The following VTI1A variants were observed in gnomAD, a reference collection of about 807,000 sequenced individuals.
The protein encoded by VTI1A is vesicle transport through interaction with t-SNAREs homolog 1A.
Under a neutral mutation model 34.9 loss-of-function variants are expected in VTI1A, and 22 were observed. The ratio of observed to expected loss-of-function variants is 0.63; its 90% CI spans 0.45 to 0.90. The LOEUF (loss-of-function observed/expected upper bound fraction) is 0.90. VTI1A is among the 40% of genes least tolerant of loss of function. The pLI is 0.00. For missense variants in VTI1A, 268 were observed against 275.6 expected, an observed-to-expected ratio of 0.97 and a Z score of 0.20; for synonymous variants, 87 against 97.3, an observed-to-expected ratio of 0.89 and a Z score of 0.62.
intron 7 of VTI1A, among the ~76,000 whole-genome samples, chr10:112,720,069 T>G (rs1013627788): frequency 2.6e-5 from 4 of 152,262 alleles, no homozygotes; most frequent in Admixed American, 2.0e-4. Context: ...ACAAATAATA[T>G]TCCATTGTAT....
In VTI1A at chr10:112,626,644, C is replaced by T. The variant is rs1018732871; in HGVS notation, c.428-41574C>T. On this transcript the variant is annotated intron_variant, in intron 5 of 7. Coordinates refer to ENST00000393077, the MANE Select transcript of VTI1A (RefSeq NM_145206.4). ...AAGTGATCTTAAAACCAACTCTAGC[C>T]GCTTACAAAGGAGAAAACTCAGTCC... Among the ~76,000 whole-genome samples the T allele has an allele frequency of 6.6e-5, 10 of 151,896 alleles. No individual in the cohort carries two copies. The East Asian group carries it at 7.7e-4, about 12-fold the overall frequency.
At chr10:112,596,830 T>A (rs1180771861) in intron 5 of VTI1A, among the ~76,000 whole-genome samples, 1 of 152,248 alleles carries the variant, frequency 6.6e-6, no homozygotes, top group Admixed American at 6.5e-5. Context: ...TTTCTCTTCC[T>A]TATTTACATA....
chr10:112,822,087 G>A (rs1853664835), downstream of VTI1A, among the ~76,000 whole-genome samples: 1 of 152,164 alleles, frequency 6.6e-6, no homozygotes, highest in Non-Finnish European at 1.5e-5. Context: ...CTTTCCTGGG[G>A]GCAGATTTTG....
At chr10:112,492,723 G>A (rs1426343141) in intron 3 of VTI1A, among the ~76,000 whole-genome samples, 1 of 150,560 alleles carries the variant, frequency 6.6e-6, no homozygotes, top group Non-Finnish European at 1.5e-5. Context: ...GGAGGCAAAG[G>A]TTGTAGTGAG....
chr10:112,613,773 G>A (rs146779697), intron 5 of VTI1A, among the ~76,000 whole-genome samples: 34 of 152,280 alleles, frequency 2.2e-4, no homozygotes, highest in African/African-American at 7.5e-4. Context: ...AGTGCACTTC[G>A]TTGCCATGCC....
chr10:112,812,780 GC>G (rs544722730), intron 7 of VTI1A, among the ~76,000 whole-genome samples: 10 of 151,760 alleles, frequency 6.6e-5, no homozygotes, highest in Middle Eastern at 3.4e-3. Flanking sequence ...CTGACACCCC[GC>G]CCCCACCCAG....
chr10:112,556,408 A>T (rs1422041440), intron 5 of VTI1A, among the ~76,000 whole-genome samples: 1 of 152,004 alleles, frequency 6.6e-6, no homozygotes, highest in East Asian at 1.9e-4. Flanking sequence ...TTTCAACTCT[A>T]AAAACCTCAT....
intron 5 of VTI1A, among the ~76,000 whole-genome samples, chr10:112,614,143 G>A (rs570178892): frequency 2.0e-5 from 3 of 152,220 alleles, no homozygotes; most frequent in Non-Finnish European, 2.9e-5. Flanking sequence ...CCCTGAGTTC[G>A]TTAGTTAAAG....
At chr10:112,526,534 G>A (rs1398055832) in intron 3 of VTI1A, among the ~76,000 whole-genome samples, 1 of 151,970 alleles carries the variant, frequency 6.6e-6, no homozygotes, top group African/African-American at 2.4e-5. Flanking sequence ...ACAGGGGAGG[G>A]GCTTTAAATT....
intron 5 of VTI1A, among the ~76,000 whole-genome samples, chr10:112,643,971 TAATG>T (rs1846677592): frequency 6.8e-6 from 1 of 148,072 alleles, no homozygotes; most frequent in African/African-American, 2.5e-5. Context: ...TATGGCAGCA[TAATG>T]AATAGGAGGT....
intron 1 of VTI1A, 103 bp downstream of exon 1, chr10:112,447,570 A>T: frequency 7.5e-7 from 1 of 1,332,114 alleles, no homozygotes; most frequent in Non-Finnish European, 1.0e-6. Context: ...GCGAGGCTGG[A>T]GTGGGTGGTG....
intron 7 of VTI1A, among the ~76,000 whole-genome samples, chr10:112,740,248 A>G (rs755368891): frequency 2.7e-4 from 41 of 152,204 alleles, no homozygotes; most frequent in Non-Finnish European, 4.7e-4. Context: ...AATACTGGCC[A>G]TGGGAAAACA....
At chr10:112,793,768 G>T (rs1053136647) in intron 7 of VTI1A, among the ~76,000 whole-genome samples, 2 of 152,180 alleles carry the variant, frequency 1.3e-5, no homozygotes, top group Non-Finnish European at 2.9e-5. Context: ...AGGAGGCACG[G>T]CTCTGCTTCT....
intron 7 of VTI1A, among the ~76,000 whole-genome samples, chr10:112,750,527 A>G (rs1013602004): frequency 6.6e-6 from 1 of 152,082 alleles, no homozygotes; most frequent in East Asian, 1.9e-4. Context: ...TGATTTTTAA[A>G]TCTGTGTCTT....
intron 3 of VTI1A, among the ~76,000 whole-genome samples, chr10:112,524,367 A>G (rs562486351): frequency 1.3e-5 from 2 of 152,224 alleles, no homozygotes; most frequent in Admixed American, 1.3e-4. Context: ...ACTGTTTCTG[A>G]TATTTGAAAT....
intron 7 of VTI1A, among the ~76,000 whole-genome samples, chr10:112,728,727 T>C (rs1326867993): frequency 2.0e-5 from 3 of 152,188 alleles, no homozygotes; most frequent in Non-Finnish European, 1.5e-5. Flanking sequence ...TCTCGGACAA[T>C]ATCTAACAAC....
At chr10:112,787,244 T>A (rs1564925334) in intron 7 of VTI1A, among the ~76,000 whole-genome samples, 1 of 152,198 alleles carries the variant, frequency 6.6e-6, no homozygotes, top group Non-Finnish European at 1.5e-5. Context: ...AGTAGTGATG[T>A]TCTTCTTTCA....
At chr10:112,696,136 A>G (rs1041310600) in intron 7 of VTI1A, among the ~76,000 whole-genome samples, 1 of 150,864 alleles carries the variant, frequency 6.6e-6, no homozygotes, top group African/African-American at 2.4e-5. Flanking sequence ...ACATCCAGGG[A>G]AATTCAGAAG....
At chr10:112,667,975 A>G (rs1429360548) in intron 5 of VTI1A, among the ~76,000 whole-genome samples, 1 of 152,184 alleles carries the variant, frequency 6.6e-6, no homozygotes, top group African/African-American at 2.4e-5. Flanking sequence ...ACAAGACATC[A>G]TCTCTAAATC....
Sources: gnomAD v4.1 joint callset for allele counts (sites outside exome capture counted in the v4.1 genomes callset) on GRCh38, gnomAD v4.1.1 for gene constraint, MANE v1.5 for transcripts, NCBI Gene and HGNC (gene_info 2026-07-23, HGNC 2026-07-21) for gene names.